Variants in MBTD1 observed in about 807,000 individuals in gnomAD.
MBTD1 encodes the protein mbt domain containing 1, also known as MBT domain-containing protein 1.
A neutral mutation model predicts 87.8 loss-of-function variants in MBTD1; 24 were observed. That is an observed-to-expected ratio of 0.27 (90% CI 0.20 to 0.38). The LOEUF is 0.38. Among genes scored for constraint, MBTD1 ranks in the 10% least tolerant of loss-of-function variants. The probability of loss-of-function intolerance (pLI) is 1.00; values close to 1 mark genes in which losing one functional copy is unlikely to be tolerated. For synonymous variants in MBTD1, 237 were observed against 248.6 expected (o/e 0.95, Z 0.44); for missense variants, 436 against 760.2 (o/e 0.57, Z 5.02).
intron 6 of MBTD1, among the ~76,000 whole-genome samples, chr17:51,211,905 T>C (rs2052246549): frequency 6.6e-6 from 1 of 152,160 alleles, no homozygotes; most frequent in African/African-American, 2.4e-5. Flanking sequence ...AGGGCTTTTA[T>C]TTTTCTTTCC....
chr17:51,203,946 A>C lies in MBTD1; in HGVS notation c.605-21T>G, dbSNP rs1011370563. ...GTAACCTGAAACCCAGAAATAAATC[A>C]CTACATAATAAGAAAATAAAATTAA... On this transcript the variant is annotated intron_variant, in intron 7 of 16. Coordinates refer to ENST00000586178, the MANE Select transcript of MBTD1 (RefSeq NM_017643.3). 1.9e-6 allele frequency: 3 copies of C among 1,556,444 alleles called. No homozygotes were observed. The African/African-American group carries it at 4.2e-5, about 22-fold the overall frequency.
intron 1 of MBTD1, 93 bp from the exon 2 acceptor site, chr17:51,259,299 G>A (rs1429182570): frequency 3.3e-6 from 4 of 1,226,044 alleles, no homozygotes; most frequent in East Asian, 3.2e-5. Flanking sequence ...AGCCTTGGAG[G>A]CTGCTTCCCA....
At chr17:51,244,154 A>C (rs2054302532) in intron 2 of MBTD1, among the ~76,000 whole-genome samples, 1 of 152,210 alleles carries the variant, frequency 6.6e-6, no homozygotes, top group South Asian at 2.1e-4. Flanking sequence ...GCCATTCTTA[A>C]ATTTGGCATC....
chr17:51,214,078 CATAT>C (rs752674946), intron 6 of MBTD1, among the ~76,000 whole-genome samples: 1 of 151,628 alleles, frequency 6.6e-6, no homozygotes, highest in Non-Finnish European at 1.5e-5. Flanking sequence ...TAAACACACA[CATAT>C]ATATATACAT....
rs2055370887 is a variant in MBTD1, at chr17:51,259,915, G to A, written c.-193C>T. Reference sequence around the variant, plus strand: ...CGAGCCCGCGGCGCCCCCTCCCCGGGCTGGGGGCAGGTGCCTCTCCCCGGG... The same window carrying A: ...CGAGCCCGCGGCGCCCCCTCCCCGGACTGGGGGCAGGTGCCTCTCCCCGGG... On this transcript the variant is annotated 5_prime_UTR_variant, in exon 1 of 17. Coordinates refer to ENST00000586178, the MANE Select transcript of MBTD1 (RefSeq NM_017643.3). The A allele has an allele frequency of 1.6e-6, 2 of 1,229,646 alleles. No individual in the cohort carries two copies. The highest frequency in any genetic ancestry group is 1.0e-6 in the Non-Finnish European group (1 of 985,774). 76.2% of individuals were successfully genotyped at this position (1,229,646 alleles called of 1,614,324 possible).
Position 51,201,598 on chromosome 17 carries a change from A to G in MBTD1, c.1218T>C (p.Ile406=), listed in dbSNP as rs2051495487. ...TTAAAACCTATTATCTTACCTTTCT[A>G]ATGGTTGCGACACATATTGTAGAAA... ...LNLSTICVAT[I]RKVLADGFLM... The change falls in exon 12 of 17, where the codon ATT becomes ATC. Residue 406 remains isoleucine, a synonymous_variant. Transcript: ENST00000586178. 6.3e-7 allele frequency: 1 copy of G among 1,590,196 alleles called. No homozygotes were observed. The highest frequency in any genetic ancestry group is 8.6e-7 in the Non-Finnish European group (1 of 1,164,458).
intron 2 of MBTD1, among the ~76,000 whole-genome samples, chr17:51,257,542 T>C (rs1437245506): frequency 6.6e-6 from 1 of 152,212 alleles, no homozygotes; most frequent in African/African-American, 2.4e-5. Context: ...AAAGCAGCAC[T>C]AGAACATCTA....
intron 2 of MBTD1, chr17:51,251,512 TC>T (rs1324539091): frequency 2.0e-5 from 3 of 152,224 alleles, no homozygotes; most frequent in African/African-American, 7.2e-5. Flanking sequence ...GGAGCTTTTT[TC>T]AGATTTTCTC....
chr17:51,259,164 AGGGGACG>A lies in MBTD1; in HGVS notation c.-77_-71del. 1.2e-6 allele frequency: 1 copy of A among 856,170 alleles called. No individual in the cohort carries two copies. Among genetic ancestry groups the A allele is most frequent in the Non-Finnish European group, 1.6e-6 (1 of 644,336 alleles). 53.0% of individuals were successfully genotyped at this position (856,170 alleles called of 1,614,324 possible). A position where few individuals can be genotyped will look rare whatever the true frequency, so the allele number is the denominator to read the frequency against. ...CTACCACTTGTCAGAGAGGCTGCAG[AGGGGACG>A]GCTGCTTTGGATGACCTCTAATGTC... On this transcript the variant is annotated 5_prime_UTR_variant, in exon 2 of 17. Transcript: ENST00000586178.
Position 51,249,723 on chromosome 17 carries a change from TTC to T in MBTD1, c.-49+9418_-49+9419del, listed in dbSNP as rs370746114. 2.7e-3 allele frequency: 414 copies of T among 152,304 alleles called. 2 individuals carry two copies. Among genetic ancestry groups the T allele is most frequent in the African/African-American group, 9.6e-3 (400 of 41,572 alleles). The allele number at this position is 152,304 out of a possible 1,614,324, so 9.4% of individuals were successfully genotyped here. ...TGGTTTTCTTTGTCCCTTTAAAAAT[TTC>T]TCTCAGTATTTTGGAAAGTCTTCGT... is the stretch of plus-strand genomic sequence containing the variant. On this transcript the variant is annotated intron_variant, in intron 2 of 16. Transcript: ENST00000586178.
At chr17:51,244,946 G>A (rs1422984852) in intron 2 of MBTD1, among the ~76,000 whole-genome samples, 1 of 151,178 alleles carries the variant, frequency 6.6e-6, no homozygotes, top group Non-Finnish European at 1.5e-5. Flanking sequence ...TGTCGCCCAG[G>A]CTGAAGTGCA....
At chr17:51,229,901 C>A (rs1001450226) in intron 2 of MBTD1, among the ~76,000 whole-genome samples, 4 of 152,026 alleles carry the variant, frequency 2.6e-5, no homozygotes, top group Admixed American at 6.6e-5. Context: ...ACCTCATGAT[C>A]CCCGTCTCGG....
At chr17:51,224,885 A>G in intron 3 of MBTD1, 123 bp downstream of exon 3, 1 of 524,370 alleles carries the variant, frequency 1.9e-6, no homozygotes, top group Non-Finnish European at 3.0e-6. Context: ...CTCGAATTAT[A>G]AACGTCAGCT....
chr17:51,193,396 C>A, intron 14 of MBTD1, 32 bp downstream of exon 14: 3 of 1,447,832 alleles, frequency 2.1e-6, no homozygotes, highest in Non-Finnish European at 2.9e-6. Flanking sequence ...ATTAATAAGT[C>A]CTCACATAAT....
intron 2 of MBTD1, among the ~76,000 whole-genome samples, chr17:51,235,276 C>T (rs373388331): frequency 2.6e-5 from 4 of 152,074 alleles, no homozygotes; most frequent in African/African-American, 9.7e-5. Context: ...GCTGGGATTA[C>T]AGGCATGTGC....
chr17:51,193,556 A>G (rs1009796381), intron 13 of MBTD1, 46 bp from the exon 14 acceptor site: 21 of 1,033,722 alleles, frequency 2.0e-5, no homozygotes, highest in Non-Finnish European at 2.7e-5. Flanking sequence ...TAAAATTAGC[A>G]TAATATTAAA....
chr17:51,244,204 C>G (rs989994223), intron 2 of MBTD1, among the ~76,000 whole-genome samples: 2 of 152,194 alleles, frequency 1.3e-5, no homozygotes, highest in African/African-American at 2.4e-5. Flanking sequence ...AATATGATGG[C>G]TGCAAAACGA....
intron 2 of MBTD1, among the ~76,000 whole-genome samples, chr17:51,226,549 C>T: frequency 6.6e-6 from 1 of 152,070 alleles, no homozygotes; most frequent in East Asian, 2.0e-4. Context: ...ATATACATAA[C>T]AAACATGATT....
rs148998841 is a variant in MBTD1 at position 51,201,648 on chromosome 17, A to G, written c.1168T>C (p.Leu390=). The G allele has an allele frequency of 1.9e-6, 3 of 1,612,252 alleles. No homozygotes were observed. Among genetic ancestry groups the G allele is most frequent in the African/African-American group, 1.3e-5 (1 of 74,854 alleles). The part of the protein sequence containing the change: ...SGEWFKEGMK[L]EAIDPLNLST... ...AGATTTAATGGGTCTATAGCTTCCA[A>G]TTTCATTCCTTCCTTGAACCATTCC... is the stretch of plus-strand genomic sequence containing the variant. Residue 390 remains leucine, a synonymous_variant, in exon 12 of 17, where the codon TTG becomes CTG. Coordinates refer to ENST00000586178, the MANE Select transcript of MBTD1 (RefSeq NM_017643.3).
Sources: gnomAD v4.1 joint callset for allele counts (sites outside exome capture counted in the v4.1 genomes callset) on GRCh38, gnomAD v4.1.1 for gene constraint, MANE v1.5 for transcripts, NCBI Gene and HGNC (gene_info 2026-07-23, HGNC 2026-07-21) for gene names.